RPL18A: variants seen among roughly 807,000 people sequenced by gnomAD.
RPL18A encodes the protein large ribosomal subunit protein eL20.
For synonymous variants in RPL18A, 122 were observed against 96.9 expected (o/e 1.26, Z -1.52); for missense variants, 163 against 254.1 (o/e 0.64, Z 2.44).
At chr19:17,860,029 G>A in intron 1 of RPL18A, 55 bp downstream of exon 1, 1 of 1,451,824 alleles carries the variant, frequency 6.9e-7, no homozygotes, top group Non-Finnish European at 9.1e-7. Flanking sequence ...GGCCCCATCA[G>A]GGGCCTGCAT....
chr19:17,862,765 C>T (rs1488698860), intron 3 of RPL18A, 153 bp from the exon 4 acceptor site: 2 of 760,174 alleles, frequency 2.6e-6, no homozygotes, highest in Admixed American at 3.4e-5. Context: ...GGCTATCTCG[C>T]TTCCCCACCA....
intron 3 of RPL18A, 66 bp from the exon 4 acceptor site, chr19:17,862,852 C>A: frequency 9.3e-7 from 1 of 1,070,400 alleles, no homozygotes; most frequent in Admixed American, 1.7e-5. Context: ...GGCAGGCACT[C>A]AGGAGGTTTG....
intron 1 of RPL18A, among the ~76,000 whole-genome samples, chr19:17,860,505 C>T (rs2094275281): frequency 6.6e-6 from 1 of 152,190 alleles, no homozygotes; most frequent in Non-Finnish European, 1.5e-5. Flanking sequence ...GTCCAGATCT[C>T]CAGCTTCGGT....
chr19:17,861,254 C>A (rs368236870), intron 1 of RPL18A, 39 bp from the exon 2 acceptor site: 2 of 1,598,146 alleles, frequency 1.3e-6, no homozygotes. Flanking sequence ...ACAGTTGCCT[C>A]TGGGTGCTGG....
In RPL18A at chr19:17,859,943, G is replaced by T. The variant is rs751794724; in HGVS notation, c.-14G>T. ...CTTCCTTTTGCGGGTGGCGGCGAAC[G>T]CGGAGAGCACGCCATGAAGGCCTCG... is the stretch of plus-strand genomic sequence containing the variant. On this transcript the variant is annotated 5_prime_UTR_variant, in exon 1 of 5. Coordinates refer to ENST00000222247, the MANE Select transcript of RPL18A (RefSeq NM_000980.4). The T allele has an allele frequency of 2.6e-6, 4 of 1,543,584 alleles. No individual in the cohort carries two copies. Among genetic ancestry groups the T allele is most frequent in the Non-Finnish European group, 3.5e-6 (4 of 1,145,540 alleles).
intron 3 of RPL18A, 159 bp from the exon 4 acceptor site, chr19:17,862,759 A>C (rs769861819): frequency 2.6e-6 from 2 of 759,544 alleles, no homozygotes; most frequent in Non-Finnish European, 2.4e-6. Flanking sequence ...GCCTTGGGCT[A>C]TCTCGCTTCC....
chr19:17,862,244 C>G, intron 3 of RPL18A, 21 bp downstream of exon 3: 1 of 1,611,778 alleles, frequency 6.2e-7, no homozygotes, highest in Non-Finnish European at 8.5e-7. Context: ...TGTCCCGCCT[C>G]CAGCTTTTTA....
intron 4 of RPL18A, 39 bp downstream of exon 4, chr19:17,863,066 G>A: frequency 6.4e-7 from 1 of 1,570,100 alleles, no homozygotes. Context: ...GGAAGTGCCT[G>A]CTCTGACGCA....
rs189255878 is a variant in RPL18A, at chr19:17,862,287, G to A, written c.328+64G>A. On this transcript the variant is annotated intron_variant, in intron 3 of 4. Coordinates refer to ENST00000222247, the MANE Select transcript of RPL18A (RefSeq NM_000980.4). ...CTTGACTCCCTCACACTGAGGCAGGGCAAGTGCCAGAGGTTCCCAGTGCAG... is the reference window on the plus strand; with the variant it reads ...CTTGACTCCCTCACACTGAGGCAGGACAAGTGCCAGAGGTTCCCAGTGCAG... 3.6e-5 allele frequency: 57 copies of A among 1,580,564 alleles called. No homozygotes were observed. The Middle Eastern group carries it at 6.8e-4, about 19-fold the overall frequency.
intron 4 of RPL18A, 45 bp from the exon 5 acceptor site, chr19:17,863,126 G>A: frequency 6.4e-7 from 1 of 1,567,790 alleles, no homozygotes; most frequent in South Asian, 1.1e-5. Flanking sequence ...AGGATGGGGT[G>A]TTAAGAGGCT....
rs1458534260 is a variant in RPL18A at position 17,862,965 on chromosome 19, A to G, written c.376A>G (p.Ile126Val). Residue 126 changes from isoleucine (I) to valine (V), a missense_variant, in exon 4 of 5, where the codon ATC becomes GTC. Physicochemically the swap from Ile to Val is conservative, Grantham distance 29 (BLOSUM62 3). Coordinates refer to ENST00000222247, the MANE Select transcript of RPL18A (RefSeq NM_000980.4). ...RHRARAHSIQIMKVEEIAASK... is the reference protein window; with the variant it reads ...RHRARAHSIQVMKVEEIAASK... ...CCGCGCCCGAGCCCACTCCATTCAGATCATGAAGGTGGAGGAGATCGCGGC... is the reference window on the plus strand; with the variant it reads ...CCGCGCCCGAGCCCACTCCATTCAGGTCATGAAGGTGGAGGAGATCGCGGC... 4 of 1,612,484 alleles carry G rather than the reference A, an allele frequency of 2.5e-6. No individual in the cohort carries two copies. The highest frequency in any genetic ancestry group is 1.1e-5 in the South Asian group (1 of 91,018).
chr19:17,860,102 C>A, intron 1 of RPL18A, 128 bp downstream of exon 1: 1 of 814,962 alleles, frequency 1.2e-6, no homozygotes. Flanking sequence ...CCGCGCGCCG[C>A]CTTCTCTTGT....
chr19:17,861,186 C>T (rs2094276621), intron 1 of RPL18A, 107 bp from the exon 2 acceptor site: 1 of 1,075,916 alleles, frequency 9.3e-7, no homozygotes, highest in Non-Finnish European at 1.4e-6. Flanking sequence ...GTGGCCCTGC[C>T]TCCTGCTTCC....
intron 1 of RPL18A, chr19:17,860,827 C>T (rs2094275919): frequency 1.2e-5 from 2 of 168,918 alleles, no homozygotes; most frequent in African/African-American, 2.4e-5. Context: ...GATCCCAGGG[C>T]TGGGGAGAGA....
intron 2 of RPL18A, chr19:17,861,776 C>A: frequency 1.8e-6 from 1 of 543,092 alleles, no homozygotes; most frequent in South Asian, 2.4e-5. Context: ...GAGGTGATGG[C>A]TATCTGGTCA....
chr19:17,862,617 C>T (rs766417182), intron 3 of RPL18A: 1 of 715,856 alleles, frequency 1.4e-6, no homozygotes, highest in East Asian at 2.8e-5. Flanking sequence ...ATCACTGTTT[C>T]TTATAGCGGT....
intron 1 of RPL18A, among the ~76,000 whole-genome samples, chr19:17,860,604 C>G (rs1195381492): frequency 1.3e-5 from 2 of 152,200 alleles, no homozygotes; most frequent in African/African-American, 2.4e-5. Flanking sequence ...AAAGTAGGAA[C>G]TGCGATAATT....
Position 17,863,287 on chromosome 19 carries a change from G to T in RPL18A, c.*24G>T, listed in dbSNP as rs749113586. On this transcript the variant is annotated 3_prime_UTR_variant, in exon 5 of 5. Coordinates refer to ENST00000222247, the MANE Select transcript of RPL18A (RefSeq NM_000980.4). Reference sequence around the variant, plus strand: ...AGGTGCAGGGCCCTCGTCCGGGTGTGCCCCAAATAAACTCAGGAACGCCCC... The same window carrying T: ...AGGTGCAGGGCCCTCGTCCGGGTGTTCCCCAAATAAACTCAGGAACGCCCC... 1.0e-5 allele frequency: 15 copies of T among 1,440,258 alleles called. No homozygotes were observed. The highest frequency in any genetic ancestry group is 1.5e-5 in the Non-Finnish European group (15 of 1,030,376). The allele number at this position is 1,440,258 out of a possible 1,614,324, so 89.2% of individuals were successfully genotyped here.
At chr19:17,862,689 C>A in intron 3 of RPL18A, 1 of 757,190 alleles carries the variant, frequency 1.3e-6, no homozygotes, top group South Asian at 1.4e-5. Context: ...TGTGGCCGTG[C>A]CCCTCAAAGT....
Sources: allele counts gnomAD v4.1 joint callset (sites outside exome capture counted in the v4.1 genomes callset), GRCh38; gene constraint gnomAD v4.1.1; transcripts MANE v1.5; gene names NCBI Gene and HGNC (gene_info 2026-07-23, HGNC 2026-07-21).